CNTNAP3: variants seen among roughly 807,000 people sequenced by gnomAD.
CNTNAP3 encodes contactin associated protein family member 3, also known as contactin-associated protein-like 3.
A neutral mutation model predicts 92.1 loss-of-function variants in CNTNAP3; 36 were observed. The observed-to-expected ratio is 0.39, with a 90% CI of 0.30 to 0.52. CNTNAP3 has a LOEUF of 0.52. Among genes scored for constraint, CNTNAP3 ranks in the 20% least tolerant of loss-of-function variants. The probability of loss-of-function intolerance (pLI) is 0.76; values close to 1 mark genes in which losing one functional copy is unlikely to be tolerated. For synonymous variants in CNTNAP3, 232 were observed against 422.3 expected (o/e 0.55, Z 5.53); for missense variants, 534 against 1,069.6 (o/e 0.50, Z 6.98).
chr9:39,125,990 TG>T (rs1821145134), intron 13 of CNTNAP3, among the ~76,000 whole-genome samples: 1 of 152,170 alleles, frequency 6.6e-6, no homozygotes, highest in African/African-American at 2.4e-5. Flanking sequence ...TGGATCTAAC[TG>T]AATACTTTAG....
rs1374916386 is a variant in CNTNAP3 at position 39,068,106 on chromosome 9, A to G, written c.*5784T>C. Among the ~76,000 whole-genome samples, 6 of 152,424 alleles carry G rather than the reference A, an allele frequency of 3.9e-5. No individual in the cohort carries two copies. The Middle Eastern group carries it at 0.01, about 261-fold the overall frequency. ...AAGAGATATGCAGTGCATGTGCGAT[A>G]TTAAAATTTCAGGGCGGGCGCAGTG... On this transcript the variant is annotated 3_prime_UTR_variant, in exon 24 of 24. Coordinates refer to ENST00000297668, the MANE Select transcript of CNTNAP3 (RefSeq NM_033655.5).
chr9:39,104,526 T>C (rs1475071629), intron 15 of CNTNAP3, among the ~76,000 whole-genome samples: 6 of 124,678 alleles, frequency 4.8e-5, no homozygotes, highest in Non-Finnish European at 9.2e-5. Flanking sequence ...ACACACTGTC[T>C]TAATTCCTTT....
chr9:39,248,545 A>T (rs1245819681), intron 2 of CNTNAP3, among the ~76,000 whole-genome samples: 2 of 40,288 alleles, frequency 5.0e-5, no homozygotes, highest in South Asian at 1.9e-3. Flanking sequence ...ATATATATAA[A>T]TTTTTTTTTA....
In CNTNAP3 at chr9:39,069,593, TATC is replaced by T. The variant is rs1406887937; in HGVS notation, c.*4294_*4296del. Reference sequence around the variant, plus strand: ...ATAACCTATAGGCAATAAACTATGTTATCATTTTGTAAAAAAAATACCACAGGA... The same window carrying T: ...ATAACCTATAGGCAATAAACTATGTTATTTTGTAAAAAAAATACCACAGGA... On this transcript the variant is annotated 3_prime_UTR_variant, in exon 24 of 24. Transcript: ENST00000297668. Among the ~76,000 whole-genome samples the T allele has an allele frequency of 3.3e-5, 5 of 152,190 alleles. No individual in the cohort carries two copies. The highest frequency in any genetic ancestry group is 7.3e-5 in the Non-Finnish European group (5 of 68,028).
At chr9:39,131,683 G>T (rs568045112) in intron 13 of CNTNAP3, among the ~76,000 whole-genome samples, 2 of 152,220 alleles carry the variant, frequency 1.3e-5, no homozygotes, top group Admixed American at 1.3e-4. Context: ...AAAATTAGCC[G>T]GGCATGGCGG....
chr9:39,110,848 A>G (rs1024860503), intron 14 of CNTNAP3, among the ~76,000 whole-genome samples: 1 of 152,170 alleles, frequency 6.6e-6, no homozygotes, highest in Non-Finnish European at 1.5e-5. Flanking sequence ...CTGCATGTAC[A>G]TTCTGATTTA....
Position 39,117,897 on chromosome 9 carries a change from A to G in CNTNAP3, c.2237+206T>C, listed in dbSNP as rs558623050. The G allele has an allele frequency of 3.4e-6, 4 of 1,171,980 alleles. No individual in the cohort carries two copies. The East Asian group carries it at 1.0e-4, about 30-fold the overall frequency. The allele number at this position is 1,171,980 out of a possible 1,614,324, so 72.6% of individuals were successfully genotyped here. Reference sequence around the variant, plus strand: ...TTACGAAAAATAAAAAACACATTATATAGTATTCACAACGAACTAGTAAAT... The same window carrying G: ...TTACGAAAAATAAAAAACACATTATGTAGTATTCACAACGAACTAGTAAAT... On this transcript the variant is annotated intron_variant, in intron 14 of 23. Transcript: ENST00000297668.
intron 15 of CNTNAP3, among the ~76,000 whole-genome samples, chr9:39,107,011 A>G (rs1826620726): frequency 6.6e-6 from 1 of 152,042 alleles, no homozygotes; most frequent in Non-Finnish European, 1.5e-5. Context: ...AGGATGACCA[A>G]CTCTAGTCCT....
At chr9:39,094,002 T>A (rs1826272896) in intron 18 of CNTNAP3, among the ~76,000 whole-genome samples, 1 of 151,048 alleles carries the variant, frequency 6.6e-6, no homozygotes, top group African/African-American at 2.4e-5. Context: ...TTCCAATTTC[T>A]CTAGGTTCTT....
rs973944077 is a variant in CNTNAP3, at chr9:39,066,637, G to C, written c.*7253C>G. ...GGTTTTGCTGGGTATAGAAACCTAG[G>C]AGAGAGAGTTTTCTGCTTTTGGTTG... On this transcript the variant is annotated 3_prime_UTR_variant, in exon 24 of 24. Transcript: ENST00000297668. Among the ~76,000 whole-genome samples, 5 of 152,402 alleles carry C rather than the reference G, an allele frequency of 3.3e-5. No homozygotes were observed. Among genetic ancestry groups the C allele is most frequent in the African/African-American group, 1.2e-4 (5 of 41,602 alleles).
chr9:39,159,178 T>G (rs1244879550), intron 9 of CNTNAP3: 2 of 149,980 alleles, frequency 1.3e-5, no homozygotes, highest in Non-Finnish European at 3.0e-5. Flanking sequence ...TACCTATGTA[T>G]GCATGTATGA....
chr9:39,137,292 GC>G (rs1332056352), intron 12 of CNTNAP3, among the ~76,000 whole-genome samples: 2 of 151,502 alleles, frequency 1.3e-5, no homozygotes, highest in Admixed American at 1.3e-4. Flanking sequence ...CTACTAATAA[GC>G]CCATCAAAGG....
At position 39,084,526 on chromosome 9, in the gene CNTNAP3, T is replaced by A. The variant is rs1371703064; in HGVS notation, c.3442+1210A>T. Among the ~76,000 whole-genome samples, 6 of 152,238 alleles carry A rather than the reference T, an allele frequency of 3.9e-5. No homozygotes were observed. In the South Asian group the frequency reaches 6.2e-4, roughly 16 times the overall value. ...AAATATTTTTAAATGAAGGGATGAA[T>A]CGAAGATTTACAGGGACTCAAGAGA... On this transcript the variant is annotated intron_variant, in intron 21 of 23. Coordinates refer to ENST00000297668, the MANE Select transcript of CNTNAP3 (RefSeq NM_033655.5).
intron 12 of CNTNAP3, among the ~76,000 whole-genome samples, chr9:39,133,932 T>A (rs1183093128): frequency 6.6e-6 from 1 of 152,182 alleles, no homozygotes; most frequent in East Asian, 1.9e-4. Flanking sequence ...GTATTTAGAA[T>A]AATGGACATT....
At chr9:39,099,395 C>T (rs1157645754) in intron 18 of CNTNAP3, among the ~76,000 whole-genome samples, 1 of 152,088 alleles carries the variant, frequency 6.6e-6, no homozygotes, top group Non-Finnish European at 1.5e-5. Flanking sequence ...ATTATTTTCC[C>T]CTTCTAGTTA....
chr9:39,122,151 G>C (rs1249751391), intron 13 of CNTNAP3, among the ~76,000 whole-genome samples: 63 of 145,946 alleles, frequency 4.3e-4, no homozygotes, highest in Non-Finnish European at 6.7e-4. Flanking sequence ...TCAGGAGATC[G>C]AGACCATCCT....
At chr9:39,079,111 G>A (rs533113034) in intron 21 of CNTNAP3, among the ~76,000 whole-genome samples, 191 bp from the exon 22 acceptor site, 5 of 152,092 alleles carry the variant, frequency 3.3e-5, no homozygotes, top group Non-Finnish European at 7.4e-5. Flanking sequence ...CCATTGTCAG[G>A]GTTATGAAAG....
intron 21 of CNTNAP3, 144 bp from the exon 22 acceptor site, chr9:39,079,064 AG>A: frequency 8.3e-7 from 1 of 1,201,652 alleles, no homozygotes; most frequent in Non-Finnish European, 1.2e-6. Context: ...ACTCCAGGAG[AG>A]GTCACCGTGA....
chr9:39,093,488 T>C (rs1038822761), intron 18 of CNTNAP3, among the ~76,000 whole-genome samples: 7 of 151,276 alleles, frequency 4.6e-5, no homozygotes, highest in African/African-American at 1.7e-4. Context: ...TTTGTCATCA[T>C]CCCAAAATTA....
Sources: allele counts gnomAD v4.1 joint callset (sites outside exome capture counted in the v4.1 genomes callset), GRCh38; gene constraint gnomAD v4.1.1; transcripts MANE v1.5; gene names NCBI Gene and HGNC (gene_info 2026-07-23, HGNC 2026-07-21).